The following PRR22 variants were observed in gnomAD, a reference collection of about 807,000 sequenced individuals.
The protein encoded by PRR22 is proline-rich protein 22.
A neutral mutation model predicts 7.2 loss-of-function variants in PRR22; 5 were observed. That is an observed-to-expected ratio of 0.69 (90% CI 0.36 to 1.45). PRR22 has a LOEUF of 1.45. PRR22 is among the 40% of genes most tolerant of loss of function. The probability of loss-of-function intolerance (pLI) is 0.03; values close to 1 mark genes in which losing one functional copy is unlikely to be tolerated. For synonymous variants in PRR22, 319 were observed against 269.3 expected (o/e 1.18, Z -1.81); for missense variants, 619 against 568.8 (o/e 1.09, Z -0.90).
In PRR22 at chr19:5,783,748, C is replaced by A. The variant is rs774031449; in HGVS notation, c.499G>T (p.Ala167Ser). Residue 167 changes from alanine (A) to serine (S), a missense_variant, in exon 3 of 3, where the codon GCC becomes TCC. Transcript: ENST00000419421. ...LGFVGDAGPA[A>S]FVELPLPPLE... Reference sequence around the variant, plus strand: ...GGCGGTAGGGGCAGCTCCACGAAGGCGGCGGGCCCTGCGTCCCCCACAAAA... The same window carrying A: ...GGCGGTAGGGGCAGCTCCACGAAGGAGGCGGGCCCTGCGTCCCCCACAAAA... The A allele has an allele frequency of 6.7e-7, 1 of 1,493,082 alleles. No homozygotes were observed. Among genetic ancestry groups the A allele is most frequent in the Non-Finnish European group, 8.9e-7 (1 of 1,120,838 alleles). 92.5% of individuals were successfully genotyped at this position (1,493,082 alleles called of 1,614,324 possible).
rs769586248 is a variant in PRR22, at chr19:5,783,320, G to A, written c.927C>T (p.Val309=). The change falls in exon 3 of 3, where the codon GTC becomes GTT. Residue 309 remains valine (V), a synonymous_variant. Transcript: ENST00000419421. ...TGCTGTCAGGCAGGGCCGGCCCAGGGACCTCGCACAGGGTACCCTCAGGCT... is the reference window on the plus strand; with the variant it reads ...TGCTGTCAGGCAGGGCCGGCCCAGGAACCTCGCACAGGGTACCCTCAGGCT... ...ASEPEGTLCE[V]PGPALPDSSG... The A allele has an allele frequency of 6.2e-6, 10 of 1,612,774 alleles. No individual in the cohort carries two copies. The South Asian group carries it at 8.8e-5, about 14-fold the overall frequency.
Position 5,783,132 on chromosome 19 carries a change from G to A in PRR22, c.1115C>T (p.Pro372Leu). The change falls in exon 3 of 3, where the codon CCT (proline) becomes CTT (leucine). Residue 372 changes from proline (P) to leucine (L), a missense_variant. Transcript: ENST00000419421. ...DEEQPPHPGP[P>L]ATNTPAPILS... ...AATGGGGGCCGGGGTGTTGGTGGCA[G>A]GGGGCCCCGGGTGGGGCGGCTGCTC... 2 of 1,612,156 alleles carry A rather than the reference G, an allele frequency of 1.2e-6. No individual in the cohort carries two copies. Among genetic ancestry groups the A allele is most frequent in the Non-Finnish European group, 1.7e-6 (2 of 1,179,632 alleles).
chr19:5,783,539 G>A lies in PRR22; in HGVS notation c.708C>T (p.Gly236=), dbSNP rs2056812281. The A allele has an allele frequency of 1.2e-6, 2 of 1,603,642 alleles. No homozygotes were observed. Among genetic ancestry groups the A allele is most frequent in the Admixed American group, 1.7e-5 (1 of 58,010 alleles). ...GGGGCACCCCAGGTCGGGCCCCACT[G>A]CCCTGCAGCTCCTTGACGGGGAAGG... The part of the protein sequence containing the change: ...PLAFPVKELQ[G]SGARPGVPLY... The change falls in exon 3 of 3, where the codon GGC becomes GGT. Residue 236 remains glycine (G), a synonymous_variant. Coordinates refer to ENST00000419421, the MANE Select transcript of PRR22 (RefSeq NM_001134316.2).
At position 5,783,362 on chromosome 19, in the gene PRR22, G is replaced by T. The variant is rs1337057774; in HGVS notation, c.885C>A (p.Cys295Ter). ...LLEDAMKLFDCLPGASEPEGT... is the reference protein window; with the variant it reads ...LLEDAMKLFD ...CCTCAGGCTCAGAGGCGCCTGGCAGGCAGTCGAAGAGCTTCATGGCGTCCT... is the reference window on the plus strand; with the variant it reads ...CCTCAGGCTCAGAGGCGCCTGGCAGTCAGTCGAAGAGCTTCATGGCGTCCT... Residue 295 changes from cysteine (C) to a stop codon, truncating the protein, a stop_gained, in exon 3 of 3, where the codon TGC becomes TGA. Coordinates refer to ENST00000419421, the MANE Select transcript of PRR22 (RefSeq NM_001134316.2). LOFTEE classifies it low-confidence loss of function (END_TRUNC). 6.2e-7 allele frequency: 1 copy of T among 1,612,672 alleles called. No individual in the cohort carries two copies. Among genetic ancestry groups the T allele is most frequent in the Middle Eastern group, 1.6e-4 (1 of 6,062 alleles).
In PRR22 at chr19:5,784,457, C is replaced by T; in HGVS notation, c.131-18G>A. 2 of 1,553,304 alleles carry T rather than the reference C, an allele frequency of 1.3e-6. No homozygotes were observed. The highest frequency in any genetic ancestry group is 1.7e-6 in the Non-Finnish European group (2 of 1,147,982). On this transcript the variant is annotated intron_variant, in intron 1 of 2. Transcript: ENST00000419421. ...CAAGGAGCCTGTGGACAAAGGTGCCCAGGTGGGTAGGGCCCTTAGGCGGGT... is the reference window on the plus strand; with the variant it reads ...CAAGGAGCCTGTGGACAAAGGTGCCTAGGTGGGTAGGGCCCTTAGGCGGGT...
rs779605170 is a variant in PRR22, at chr19:5,783,571, G to T, written c.676C>A (p.Pro226Thr). The T allele has an allele frequency of 7.5e-6, 12 of 1,606,248 alleles. No individual in the cohort carries two copies. The highest frequency in any genetic ancestry group is 1.7e-5 in the Admixed American group (1 of 58,624). The change falls in exon 3 of 3, where the codon CCC becomes ACC. Residue 226 changes from proline (P) to threonine (T), a missense_variant. Coordinates refer to ENST00000419421, the MANE Select transcript of PRR22 (RefSeq NM_001134316.2). The part of the protein sequence containing the change: ...GHLGHFPGPE[P>T]LAFPVKELQG... ...AGCTCCTTGACGGGGAAGGCCAGGGGTTCGGGCCCAGGGAAGTGGCCGAGG... is the reference window on the plus strand; with the variant it reads ...AGCTCCTTGACGGGGAAGGCCAGGGTTTCGGGCCCAGGGAAGTGGCCGAGG...
In PRR22 at chr19:5,783,365, G is replaced by A. The variant is rs765398189; in HGVS notation, c.882C>T (p.Asp294=). 7 of 1,612,564 alleles carry A rather than the reference G, an allele frequency of 4.3e-6. No homozygotes were observed. The African/African-American group carries it at 9.3e-5, about 22-fold the overall frequency. Residue 294 remains aspartate (D), a synonymous_variant, in exon 3 of 3, where the codon GAC becomes GAT. Coordinates refer to ENST00000419421, the MANE Select transcript of PRR22 (RefSeq NM_001134316.2). ...CAGGCTCAGAGGCGCCTGGCAGGCA[G>A]TCGAAGAGCTTCATGGCGTCCTCCA... The part of the protein sequence containing the change: ...VLLEDAMKLF[D]CLPGASEPEG...
In PRR22 at chr19:5,784,568, C is replaced by A; in HGVS notation, c.93G>T (p.Gln31His). The A allele has an allele frequency of 1.3e-6, 2 of 1,547,360 alleles. No individual in the cohort carries two copies. Among genetic ancestry groups the A allele is most frequent in the Non-Finnish European group, 1.7e-6 (2 of 1,146,898 alleles). The change falls in exon 1 of 3, where the codon CAG becomes CAT. Residue 31 changes from glutamine (Q) to histidine (H), a missense_variant. Coordinates refer to ENST00000419421, the MANE Select transcript of PRR22 (RefSeq NM_001134316.2). ...GAGGCTCGGCACAGGTGGGAGCAGG[C>A]TGGTTGCCCAGCACCTCAGCCCCCT... ...SLEGAEVLGN[Q>H]PAPTCAEPPP...
chr19:5,784,346 G>T, intron 2 of PRR22, 31 bp downstream of exon 2: 1 of 1,604,088 alleles, frequency 6.2e-7, no homozygotes, highest in Middle Eastern at 1.7e-4. Flanking sequence ...CCCACTCCCA[G>T]CCTCGTCAAG....
chr19:5,784,138 C>G (rs774645411), intron 2 of PRR22, 85 bp from the exon 3 acceptor site: 9 of 1,343,752 alleles, frequency 6.7e-6, no homozygotes, highest in African/African-American at 1.4e-5. Flanking sequence ...GGAGATGCCA[C>G]AAGAACCTTG....
At position 5,784,569 on chromosome 19, in the gene PRR22, T is replaced by C; in HGVS notation, c.92A>G (p.Gln31Arg). 5 of 1,547,268 alleles carry C rather than the reference T, an allele frequency of 3.2e-6. No homozygotes were observed. The highest frequency in any genetic ancestry group is 4.4e-6 in the Non-Finnish European group (5 of 1,146,894). The stretch of plus-strand genomic sequence containing the variant: ...AGGCTCGGCACAGGTGGGAGCAGGC[T>C]GGTTGCCCAGCACCTCAGCCCCCTC... Reference protein sequence around the residue: ...SLEGAEVLGNQPAPTCAEPPP... With the variant: ...SLEGAEVLGNRPAPTCAEPPP... The change falls in exon 1 of 3, where the codon CAG becomes CGG. Residue 31 changes from glutamine (Q) to arginine (R), a missense_variant. Physicochemically the swap from Gln to Arg is conservative, Grantham distance 43 (BLOSUM62 1). Transcript: ENST00000419421.
rs1301154384 is a variant in PRR22 at position 5,783,734 on chromosome 19, C to A, written c.513G>T (p.Leu171=). The A allele has an allele frequency of 6.7e-7, 1 of 1,503,158 alleles. No individual in the cohort carries two copies. The highest frequency in any genetic ancestry group is 2.4e-5 in the East Asian group (1 of 42,482). The allele number at this position is 1,503,158 out of a possible 1,614,324, so 93.1% of individuals were successfully genotyped here. Residue 171 remains leucine (L), a synonymous_variant, in exon 3 of 3, where the codon CTG becomes CTT. Transcript: ENST00000419421. The part of the protein sequence containing the change: ...GDAGPAAFVE[L]PLPPLEEGPA... ...GGCCTTCCTCTAGGGGCGGTAGGGG[C>A]AGCTCCACGAAGGCGGCGGGCCCTG...
Position 5,783,591 on chromosome 19 carries a change from C to A in PRR22, c.656G>T (p.Gly219Val). The change falls in exon 3 of 3, where the codon GGC becomes GTC. Residue 219 changes from glycine to valine, a missense_variant. Transcript: ENST00000419421. ...DAYSHLQGHL[G>V]HFPGPEPLAF... ...CAGGGGTTCGGGCCCAGGGAAGTGGCCGAGGTGACCCTGGAGGTGGCTGTA... is the reference window on the plus strand; with the variant it reads ...CAGGGGTTCGGGCCCAGGGAAGTGGACGAGGTGACCCTGGAGGTGGCTGTA... The A allele has an allele frequency of 1.9e-6, 3 of 1,607,086 alleles. No homozygotes were observed. The highest frequency in any genetic ancestry group is 2.5e-6 in the Non-Finnish European group (3 of 1,178,032).
Position 5,782,998 on chromosome 19 carries a change from G to A in PRR22, c.1249C>T (p.Leu417=). The A allele has an allele frequency of 1.3e-6, 2 of 1,528,344 alleles. No homozygotes were observed. Among genetic ancestry groups the A allele is most frequent in the South Asian group, 1.3e-5 (1 of 76,430 alleles). The allele number at this position is 1,528,344 out of a possible 1,614,324, so 94.7% of individuals were successfully genotyped here. ...GTGCTTTAATGCGGGGTGGCTCCCA[G>A]GTCCTCCCTGGGCCCCGGGGGAGTG... The part of the protein sequence containing the change: ...SATPPGPRED[L]GATPH The change falls in exon 3 of 3, where the codon CTG becomes TTG. Residue 417 remains leucine (L), a synonymous_variant. Coordinates refer to ENST00000419421, the MANE Select transcript of PRR22 (RefSeq NM_001134316.2).
chr19:5,784,698 G>T lies in PRR22; in HGVS notation c.-38C>A, dbSNP rs772839944. Reference sequence around the variant, plus strand: ...GGCCCGGTCCAGACAGGCCAGGAGGGCGGCAGTGGGAGTGCAAGTGGCCCA... The same window carrying T: ...GGCCCGGTCCAGACAGGCCAGGAGGTCGGCAGTGGGAGTGCAAGTGGCCCA... On this transcript the variant is annotated 5_prime_UTR_variant, in exon 1 of 3. Transcript: ENST00000419421. 3.3e-6 allele frequency: 5 copies of T among 1,522,850 alleles called. No homozygotes were observed. Among genetic ancestry groups the T allele is most frequent in the South Asian group, 1.2e-5 (1 of 82,800 alleles). 94.3% of individuals were successfully genotyped at this position (1,522,850 alleles called of 1,614,324 possible).
chr19:5,783,190 C>A lies in PRR22; in HGVS notation c.1057G>T (p.Asp353Tyr). 6.2e-7 allele frequency: 1 copy of A among 1,612,746 alleles called. No individual in the cohort carries two copies. Among genetic ancestry groups the A allele is most frequent in the African/African-American group, 1.3e-5 (1 of 75,036 alleles). The change falls in exon 3 of 3, where the codon GAC (aspartate) becomes TAC (tyrosine). Residue 353 changes from aspartate (D) to tyrosine (Y), a missense_variant. By Grantham distance (160) the Asp-to-Tyr change is radical (BLOSUM62 -3). Transcript: ENST00000419421. ...PEILDTVSNV[D>Y]YFFNFKALDE... ...AGCGCCTTGAAGTTGAAGAAGTAGTCAACGTTGGACACGGTGTCCAGGATC... is the reference window on the plus strand; with the variant it reads ...AGCGCCTTGAAGTTGAAGAAGTAGTAAACGTTGGACACGGTGTCCAGGATC...
Position 5,784,700 on chromosome 19 carries a change from G to A in PRR22, c.-40C>T, listed in dbSNP as rs762579910. On this transcript the variant is annotated 5_prime_UTR_variant, in exon 1 of 3. Transcript: ENST00000419421. ...CCCGGTCCAGACAGGCCAGGAGGGC[G>A]GCAGTGGGAGTGCAAGTGGCCCAAC... 1.3e-5 allele frequency: 20 copies of A among 1,522,240 alleles called. No individual in the cohort carries two copies. The highest frequency in any genetic ancestry group is 8.5e-5 in the South Asian group (7 of 82,674). The allele number at this position is 1,522,240 out of a possible 1,614,324, so 94.3% of individuals were successfully genotyped here. A position where few individuals can be genotyped will look rare whatever the true frequency, so the allele number is the denominator to read the frequency against.
In PRR22 at chr19:5,783,687, GGT is replaced by G; in HGVS notation, c.558_559del (p.Pro188GlnfsTer94). ...AGGGGGCGGCTTGTTCTCCTTGGGG[GGT>G]GGGGGTGGCAGCGGGGCCGGGCCTT... On this transcript the variant is annotated frameshift_variant, in exon 3 of 3. Coordinates refer to ENST00000419421, the MANE Select transcript of PRR22 (RefSeq NM_001134316.2). LOFTEE classifies it low-confidence loss of function (END_TRUNC). The G allele has an allele frequency of 6.6e-7, 1 of 1,508,018 alleles. No homozygotes were observed. The allele number at this position is 1,508,018 out of a possible 1,614,324, so 93.4% of individuals were successfully genotyped here.
rs749411070 is a variant in PRR22 at position 5,784,113 on chromosome 19, CT to C, written c.194-61del. The C allele has an allele frequency of 5.5e-5, 82 of 1,494,808 alleles. No individual in the cohort carries two copies. In the African/African-American group the frequency reaches 1.1e-3, roughly 20 times the overall value. The allele number at this position is 1,494,808 out of a possible 1,614,324, so 92.6% of individuals were successfully genotyped here. ...GCTGCCTGAGGGGCCCAGCCCAAGC[CT>C]GGGGGCCTGTTTGGGAGATGCCACA... On this transcript the variant is annotated intron_variant, in intron 2 of 2. Coordinates refer to ENST00000419421, the MANE Select transcript of PRR22 (RefSeq NM_001134316.2).
Sources: allele counts gnomAD v4.1 joint callset, GRCh38; gene constraint gnomAD v4.1.1; transcripts MANE v1.5; gene names NCBI Gene and HGNC (gene_info 2026-07-23, HGNC 2026-07-21).